OR2A14: variants seen among roughly 807,000 people sequenced by gnomAD.
OR2A14 encodes olfactory receptor family 2 subfamily A member 14.
A neutral mutation model predicts 2.4 loss-of-function variants in OR2A14; 2 were observed. The ratio of observed to expected loss-of-function variants is 0.85; its 90% CI spans 0.35 to 2.67. OR2A14 has a LOEUF of 2.67. Among genes scored for constraint, OR2A14 ranks in the 30% most tolerant of loss-of-function variants. The pLI, the probability that OR2A14 is intolerant of heterozygous loss-of-function variation, is 0.10. For missense variants in OR2A14, 390 were observed against 379.4 expected (o/e 1.03, Z -0.23); for synonymous variants, 160 against 156.3 (o/e 1.02, Z -0.18).
In OR2A14 at chr7:144,129,593, C is replaced by T. The variant is rs1385576362; in HGVS notation, c.481C>T (p.Leu161Phe). 1 of 1,613,338 alleles carries T rather than the reference C, an allele frequency of 6.2e-7. No individual in the cohort carries two copies. Residue 161 changes from leucine (L) to phenylalanine (F), a missense_variant, in exon 2 of 2, where the codon CTC becomes TTC. Coordinates refer to ENST00000641068, the MANE Select transcript of OR2A14 (RefSeq NM_001001659.3). ...SFLLALVPLVLILSLPFCGPH... is the reference protein window; with the variant it reads ...SFLLALVPLVFILSLPFCGPH... The stretch of plus-strand genomic sequence containing the variant: ...CCTCCTGGCTCTGGTCCCTTTAGTT[C>T]TCATCCTGAGCCTGCCCTTCTGCGG...
At chr7:144,126,048 C>T (rs2051480340) in intron 1 of OR2A14, among the ~76,000 whole-genome samples, 1 of 152,112 alleles carries the variant, frequency 6.6e-6, no homozygotes, top group Non-Finnish European at 1.5e-5. Context: ...GGATAAAAGG[C>T]TTCTCCTTTT....
chr7:144,127,666 T>C (rs1274004029), intron 1 of OR2A14, among the ~76,000 whole-genome samples: 1 of 152,238 alleles, frequency 6.6e-6, no homozygotes, highest in Non-Finnish European at 1.5e-5. Flanking sequence ...AATGTTTAAA[T>C]ACTCTGTACA....
intron 1 of OR2A14, among the ~76,000 whole-genome samples, chr7:144,125,856 T>G (rs531859863): frequency 3.2e-4 from 49 of 152,368 alleles, no homozygotes; most frequent in African/African-American, 1.2e-3. Context: ...TGAATTTAGA[T>G]TAACCAAACA....
rs34308692 is a variant in OR2A14, at chr7:144,130,105, C to CT, written c.*71dup. ...GCTCCCTGCAAAATATAGAAGTTGG[C>CT]TTTTTTTTTTTGTCTTCTGCTAGAA... On this transcript the variant is annotated 3_prime_UTR_variant, in exon 2 of 2. Transcript: ENST00000641068. The CT allele has an allele frequency of 5.3e-3, 5,768 of 1,086,516 alleles. No homozygotes were observed. Among genetic ancestry groups the CT allele is most frequent in the South Asian group, 8.7e-3 (524 of 60,036 alleles). 67.3% of individuals were successfully genotyped at this position (1,086,516 alleles called of 1,614,324 possible).
chr7:144,129,810 G>A lies in OR2A14; in HGVS notation c.698G>A (p.Arg233His), dbSNP rs753671195. 4 of 1,614,054 alleles carry A rather than the reference G, an allele frequency of 2.5e-6. No homozygotes were observed. Among genetic ancestry groups the A allele is most frequent in the South Asian group, 1.1e-5 (1 of 91,074 alleles). ...AILRIQSGEG[R>H]RKAFSTCSSH... ...TTGAGGATCCAGTCTGGGGAGGGCCGCAGAAAGGCCTTCTCCACCTGCTCC... is the reference window on the plus strand; with the variant it reads ...TTGAGGATCCAGTCTGGGGAGGGCCACAGAAAGGCCTTCTCCACCTGCTCC... Residue 233 changes from arginine (R) to histidine (H), a missense_variant, in exon 2 of 2, where the codon CGC (arginine) becomes CAC (histidine). Coordinates refer to ENST00000641068, the MANE Select transcript of OR2A14 (RefSeq NM_001001659.3).
At position 144,129,830 on chromosome 7, in the gene OR2A14, T is replaced by C; in HGVS notation, c.718T>C (p.Cys240Arg). The C allele has an allele frequency of 6.2e-7, 1 of 1,614,194 alleles. No individual in the cohort carries two copies. The highest frequency in any genetic ancestry group is 8.5e-7 in the Non-Finnish European group (1 of 1,180,036). The change falls in exon 2 of 2, where the codon TGC becomes CGC. Residue 240 changes from cysteine to arginine, a missense_variant. By Grantham distance (180) the Cys-to-Arg change is radical. Coordinates refer to ENST00000641068, the MANE Select transcript of OR2A14 (RefSeq NM_001001659.3). ...GEGRRKAFST[C>R]SSHLCVVGLF... ...GGGCCGCAGAAAGGCCTTCTCCACC[T>C]GCTCCTCCCACCTTTGCGTGGTGGG...
rs1224289022 is a variant in OR2A14 at position 144,130,055 on chromosome 7, A to G, written c.*10A>G. 3 of 1,601,782 alleles carry G rather than the reference A, an allele frequency of 1.9e-6. No homozygotes were observed. Among genetic ancestry groups the G allele is most frequent in the South Asian group, 2.2e-5 (2 of 90,152 alleles). On this transcript the variant is annotated 3_prime_UTR_variant, in exon 2 of 2. Coordinates refer to ENST00000641068, the MANE Select transcript of OR2A14 (RefSeq NM_001001659.3). ...GGAGAGGCTGACGTGAGACATCTCA[A>G]AGGGAACCATGGGGAGGGAGCCTTG...
At chr7:144,125,556 A>G (rs368444271) in intron 1 of OR2A14, among the ~76,000 whole-genome samples, 1 of 152,230 alleles carries the variant, frequency 6.6e-6, no homozygotes, top group African/African-American at 2.4e-5. Context: ...TAACTTCACA[A>G]TTGAACAGAT....
intron 1 of OR2A14, among the ~76,000 whole-genome samples, chr7:144,123,496 A>G (rs570864486): frequency 6.6e-6 from 1 of 152,172 alleles, no homozygotes; most frequent in Non-Finnish European, 1.5e-5. Context: ...CCCTCCATCC[A>G]TATCCCCTCA....
At position 144,129,585 on chromosome 7, in the gene OR2A14, C is replaced by A. The variant is rs77933816; in HGVS notation, c.473C>A (p.Pro158His). ...TTCAGCTTCCTCCTGGCTCTGGTCC[C>A]TTTAGTTCTCATCCTGAGCCTGCCC... The part of the protein sequence containing the change: ...WVFSFLLALV[P>H]LVLILSLPFC... The change falls in exon 2 of 2, where the codon CCT becomes CAT. Residue 158 changes from proline (P) to histidine (H), a missense_variant. Physicochemically the swap from Pro to His is moderately conservative, Grantham distance 77. Coordinates refer to ENST00000641068, the MANE Select transcript of OR2A14 (RefSeq NM_001001659.3). 2,364 of 1,613,954 alleles carry A rather than the reference C, an allele frequency of 1.5e-3. 34 individuals carry two copies. The African/African-American group carries it at 0.027, about 19-fold the overall frequency.
intron 1 of OR2A14, among the ~76,000 whole-genome samples, chr7:144,123,937 C>T (rs1426646054): frequency 5.3e-5 from 8 of 151,976 alleles, no homozygotes; most frequent in Non-Finnish European, 8.8e-5. Context: ...TTCTCCTTAA[C>T]GATGGTTCTC....
chr7:144,129,887 A>G lies in OR2A14; in HGVS notation c.775A>G (p.Met259Val), dbSNP rs59781893. The change falls in exon 2 of 2, where the codon ATG becomes GTG. Residue 259 changes from methionine to valine, a missense_variant. Physicochemically the swap from Met to Val is conservative, Grantham distance 21. Coordinates refer to ENST00000641068, the MANE Select transcript of OR2A14 (RefSeq NM_001001659.3). ...CTTTGGCAGCGCCATTGTCACGTACATGGCCCCCAAGTCCCGCCATCCTGA... is the reference window on the plus strand; with the variant it reads ...CTTTGGCAGCGCCATTGTCACGTACGTGGCCCCCAAGTCCCGCCATCCTGA... Reference protein sequence around the residue: ...LFFGSAIVTYMAPKSRHPEEQ... With the variant: ...LFFGSAIVTYVAPKSRHPEEQ... 5.8e-4 allele frequency: 943 copies of G among 1,614,184 alleles called. 9 individuals are homozygous for G. In the African/African-American group the frequency reaches 0.011, roughly 19 times the overall value.
intron 1 of OR2A14, 142 bp from the exon 2 acceptor site, chr7:144,128,937 C>T: frequency 1.8e-6 from 1 of 568,086 alleles, no homozygotes; most frequent in Non-Finnish European, 3.1e-6. Context: ...CTTATTATTC[C>T]ATTGATACAA....
At chr7:144,128,721 C>T (rs1046788388) in intron 1 of OR2A14, among the ~76,000 whole-genome samples, 1 of 152,126 alleles carries the variant, frequency 6.6e-6, no homozygotes, top group Non-Finnish European at 1.5e-5. Context: ...TTGTCAAGGT[C>T]CTCTCTTCTC....
intron 1 of OR2A14, among the ~76,000 whole-genome samples, chr7:144,123,770 C>G (rs2051461964): frequency 6.6e-6 from 1 of 152,232 alleles, no homozygotes; most frequent in Admixed American, 6.5e-5. Flanking sequence ...TGTCACCAGA[C>G]AAGATCCCCT....
chr7:144,130,131 T>C lies in OR2A14; in HGVS notation c.*86T>C, dbSNP rs2051521519. 1.9e-6 allele frequency: 2 copies of C among 1,029,064 alleles called. No homozygotes were observed. Among genetic ancestry groups the C allele is most frequent in the East Asian group, 2.4e-5 (1 of 42,022 alleles). The allele number at this position is 1,029,064 out of a possible 1,614,324, so 63.7% of individuals were successfully genotyped here. A position where few individuals can be genotyped will look rare whatever the true frequency, so the allele number is the denominator to read the frequency against. ...TTTTTTTTTTTGTCTTCTGCTAGAA[T>C]AAATGCTACCTTAAACTGGAATACT... On this transcript the variant is annotated 3_prime_UTR_variant, in exon 2 of 2. Coordinates refer to ENST00000641068, the MANE Select transcript of OR2A14 (RefSeq NM_001001659.3).
chr7:144,129,142 C>T lies in OR2A14; in HGVS notation c.30C>T (p.Asp10=), dbSNP rs145887681. Residue 10 remains aspartate (D), a synonymous_variant, in exon 2 of 2, where the codon GAC becomes GAT. Coordinates refer to ENST00000641068, the MANE Select transcript of OR2A14 (RefSeq NM_001001659.3). Reference sequence around the variant, plus strand: ...AAGGCAACAAGACATGGATCACAGACATCACCTTGCCGCGATTCCAGGTTG... The same window carrying T: ...AAGGCAACAAGACATGGATCACAGATATCACCTTGCCGCGATTCCAGGTTG... The part of the protein sequence containing the change: MEGNKTWIT[D]ITLPRFQVGP... 5.5e-4 allele frequency: 886 copies of T among 1,613,862 alleles called. 5 individuals carry two copies. The African/African-American group carries it at 0.01, about 19-fold the overall frequency.
intron 1 of OR2A14, among the ~76,000 whole-genome samples, chr7:144,125,884 A>C (rs1274275006): frequency 6.6e-6 from 1 of 152,190 alleles, no homozygotes; most frequent in South Asian, 2.1e-4. Context: ...TTATTTGGTA[A>C]TGACTGGATT....
At chr7:144,128,475 G>C (rs1283649473) in intron 1 of OR2A14, among the ~76,000 whole-genome samples, 1 of 152,194 alleles carries the variant, frequency 6.6e-6, no homozygotes, top group Admixed American at 6.5e-5. Context: ...GTTGCTGCTA[G>C]GGAGTACTGG....
Sources: gnomAD v4.1 joint callset for allele counts (sites outside exome capture counted in the v4.1 genomes callset) on GRCh38, gnomAD v4.1.1 for gene constraint, MANE v1.5 for transcripts, NCBI Gene and HGNC (gene_info 2026-07-23, HGNC 2026-07-21) for gene names.